The following LRRC51 variants were observed in gnomAD, a reference collection of about 807,000 sequenced individuals.
LRRC51 encodes leucine-rich repeat-containing protein 51.
In LRRC51, 8 loss-of-function variants were observed where a neutral mutation model predicts 17.8. That is an observed-to-expected ratio of 0.45 (90% CI 0.26 to 0.81). The LOEUF (loss-of-function observed/expected upper bound fraction) is 0.81. LRRC51 is among the 30% of genes least tolerant of loss of function. LRRC51 has a pLI of 0.17. For synonymous variants in LRRC51, 92 were observed against 96.0 expected (o/e 0.96, Z 0.24); for missense variants, 233 against 239.3 (o/e 0.97, Z 0.17).
chr11:72,095,044 C>T lies in LRRC51; in HGVS notation c.385C>T (p.Leu129Phe). The change falls in exon 5 of 6, where the codon CTC becomes TTC. Residue 129 changes from leucine to phenylalanine, a missense_variant. Leu to Phe is a conservative substitution (Grantham distance 22). Transcript: ENST00000289488. ...EVNKLAVLPR[L>F]RSLTLHGNPM... ...GAATAAGCTGGCTGTCCTTCCTCGG[C>T]TCCGTAGCCTGACACTCCATGGGAA... 1 of 1,614,030 alleles carries T rather than the reference C, an allele frequency of 6.2e-7. No homozygotes were observed.
Position 72,096,787 on chromosome 11 carries a change from C to T in LRRC51, c.*1267C>T. On this transcript the variant is annotated 3_prime_UTR_variant, in exon 6 of 6. Transcript: ENST00000289488. ...ACAGGCCAAGAAGATGGCCTATGAT[C>T]TCTGAAACCAGCCCCCACTTCAATC... 7.1e-7 allele frequency: 1 copy of T among 1,417,690 alleles called. No individual in the cohort carries two copies. Among genetic ancestry groups the T allele is most frequent in the South Asian group, 1.5e-5 (1 of 66,576 alleles). 87.8% of individuals were successfully genotyped at this position (1,417,690 alleles called of 1,614,324 possible).
chr11:72,082,736 T>G (rs1385282479), intron 1 of LRRC51, among the ~76,000 whole-genome samples: 1 of 152,192 alleles, frequency 6.6e-6, no homozygotes, highest in Non-Finnish European at 1.5e-5. Flanking sequence ...TTCCTGAATA[T>G]CTTTTATATA....
At chr11:72,094,893 A>G in intron 4 of LRRC51, 55 bp from the exon 5 acceptor site, 1 of 1,614,136 alleles carries the variant, frequency 6.2e-7, no homozygotes, top group Non-Finnish European at 8.5e-7. Context: ...AGCCCTGAGC[A>G]GAGATTCAGG....
At chr11:72,088,711 C>T in intron 2 of LRRC51, 1 of 515,108 alleles carries the variant, frequency 1.9e-6, no homozygotes, top group Non-Finnish European at 3.5e-6. Flanking sequence ...ATTATGACTG[C>T]AGTCTACAAC....
intron 1 of LRRC51, among the ~76,000 whole-genome samples, chr11:72,086,910 G>A (rs1210713114): frequency 6.6e-6 from 1 of 152,162 alleles, no homozygotes; most frequent in Non-Finnish European, 1.5e-5. Flanking sequence ...TGCTGAAGTG[G>A]GATGAGCTTC....
chr11:72,088,521 T>A, intron 2 of LRRC51, 141 bp downstream of exon 2: 2 of 660,032 alleles, frequency 3.0e-6, no homozygotes, highest in South Asian at 3.3e-5. Context: ...AGGTGGCAAA[T>A]CCCCAGCTGG....
intron 4 of LRRC51, 50 bp from the exon 5 acceptor site, chr11:72,094,898 T>C (rs1320083413): frequency 3.7e-6 from 6 of 1,614,164 alleles, no homozygotes; most frequent in South Asian, 1.1e-5. Context: ...TGAGCAGAGA[T>C]TCAGGGTCCT....
intron 1 of LRRC51, chr11:72,086,503 T>C: frequency 1.4e-6 from 1 of 700,662 alleles, no homozygotes; most frequent in Admixed American, 2.0e-5. Context: ...ACAGAAATCC[T>C]CAGAATTGGC....
intron 1 of LRRC51, 126 bp from the exon 2 acceptor site, chr11:72,088,171 A>C (rs1251130996): frequency 1.8e-6 from 1 of 571,136 alleles, no homozygotes; most frequent in Non-Finnish European, 3.1e-6. Context: ...TAGTATTCTC[A>C]TGGCTCTCCC....
In LRRC51 at chr11:72,096,748, C is replaced by A; in HGVS notation, c.*1228C>A. 1 of 1,515,962 alleles carries A rather than the reference C, an allele frequency of 6.6e-7. No individual in the cohort carries two copies. Among genetic ancestry groups the A allele is most frequent in the South Asian group, 1.3e-5 (1 of 78,706 alleles). The allele number at this position is 1,515,962 out of a possible 1,614,324, so 93.9% of individuals were successfully genotyped here. A position where few individuals can be genotyped will look rare whatever the true frequency, so the allele number is the denominator to read the frequency against. On this transcript the variant is annotated 3_prime_UTR_variant, in exon 6 of 6. Coordinates refer to ENST00000289488, the MANE Select transcript of LRRC51 (RefSeq NM_145309.6). The stretch of plus-strand genomic sequence containing the variant: ...AGTACCAGGGTCTGTAGAGATGCCT[C>A]ACAGGCCTCCATGACAGGCCAAGAA...
At chr11:72,088,432 T>C (rs547590178) in intron 2 of LRRC51, 52 bp downstream of exon 2, 1 of 701,764 alleles carries the variant, frequency 1.4e-6, no homozygotes, top group South Asian at 1.5e-5. Flanking sequence ...TATATGTGTA[T>C]GGCTACATTC....
In LRRC51 at chr11:72,096,846, G is replaced by T; in HGVS notation, c.*1326G>T. 7.9e-7 allele frequency: 1 copy of T among 1,268,126 alleles called. No individual in the cohort carries two copies. Among genetic ancestry groups the T allele is most frequent in the South Asian group, 3.0e-5 (1 of 33,800 alleles). The allele number at this position is 1,268,126 out of a possible 1,614,324, so 78.6% of individuals were successfully genotyped here. A position where few individuals can be genotyped will look rare whatever the true frequency, so the allele number is the denominator to read the frequency against. On this transcript the variant is annotated 3_prime_UTR_variant, in exon 6 of 6. Coordinates refer to ENST00000289488, the MANE Select transcript of LRRC51 (RefSeq NM_145309.6). ...GTAATTCCATTCTGTTTTATATGCT[G>T]GGATTCTGCTTAAGATTTCATTTGA... is the stretch of plus-strand genomic sequence containing the variant.
intron 1 of LRRC51, among the ~76,000 whole-genome samples, chr11:72,082,996 A>G (rs2136468129): frequency 6.6e-6 from 1 of 152,096 alleles, no homozygotes; most frequent in East Asian, 1.9e-4. Flanking sequence ...CTCCCAGGTA[A>G]CTGGGATTAC....
At chr11:72,089,409 T>C in intron 3 of LRRC51, 2 of 1,443,678 alleles carry the variant, frequency 1.4e-6, no homozygotes, top group South Asian at 1.2e-5. Context: ...TTTGTTTTTT[T>C]TAAGCAGCAA....
rs1236947745 is a variant in LRRC51, at chr11:72,095,587, T to A, written c.*67T>A. 2.5e-6 allele frequency: 4 copies of A among 1,572,092 alleles called. No homozygotes were observed. The highest frequency in any genetic ancestry group is 2.6e-6 in the Non-Finnish European group (3 of 1,157,896). On this transcript the variant is annotated 3_prime_UTR_variant, in exon 6 of 6. Coordinates refer to ENST00000289488, the MANE Select transcript of LRRC51 (RefSeq NM_145309.6). ...CAGCATGGTTTGACAATAAATAATTTGAGCTGTTGAGCAGATGAGAAGTCA... is the reference window on the plus strand; with the variant it reads ...CAGCATGGTTTGACAATAAATAATTAGAGCTGTTGAGCAGATGAGAAGTCA...
In LRRC51 at chr11:72,095,097, G is replaced by C. The variant is rs370630128; in HGVS notation, c.437+1G>C. ...CCATGGAGGAAGAGAAAGGGTATAG[G>C]TAAGTGCCCTGCCCCTGGAGGTAGC... On this transcript the variant is annotated splice_donor_variant, in intron 5 of 5. Coordinates refer to ENST00000289488, the MANE Select transcript of LRRC51 (RefSeq NM_145309.6). LOFTEE classifies it high-confidence loss of function. 1 of 1,613,618 alleles carries C rather than the reference G, an allele frequency of 6.2e-7. No individual in the cohort carries two copies. The highest frequency in any genetic ancestry group is 1.3e-5 in the African/African-American group (1 of 74,886).
Position 72,080,857 on chromosome 11 carries a change from C to T in LRRC51, c.-168C>T, listed in dbSNP as rs1944117267. 6.6e-6 allele frequency: 1 copy of T among 152,354 alleles called. No individual in the cohort carries two copies. Among genetic ancestry groups the T allele is most frequent in the African/African-American group, 2.4e-5 (1 of 41,428 alleles). The allele number at this position is 152,354 out of a possible 1,614,324, so 9.4% of individuals were successfully genotyped here. On this transcript the variant is annotated 5_prime_UTR_variant, in exon 1 of 6. The change creates a new upstream start codon in the 5' untranslated region. Transcript: ENST00000289488. ...TCTGAGTAACCCTGAGGCAGTGGGA[C>T]GCCAAGACTGGAGAGGAAGCGACTG...
chr11:72,092,319 T>G (rs1365055765), intron 3 of LRRC51, among the ~76,000 whole-genome samples: 5 of 152,214 alleles, frequency 3.3e-5, no homozygotes, highest in Non-Finnish European at 4.4e-5. Flanking sequence ...TTCCCAATGC[T>G]ATTTCTTCTT....
chr11:72,087,296 T>A (rs1944592322), intron 1 of LRRC51, among the ~76,000 whole-genome samples: 1 of 2,610 alleles, frequency 3.8e-4, no homozygotes, highest in African/African-American at 7.6e-4. Flanking sequence ...TCTTTTTTTT[T>A]TTTTTTTTTT....
Sources: gnomAD v4.1 joint callset for allele counts (sites outside exome capture counted in the v4.1 genomes callset) on GRCh38, gnomAD v4.1.1 for gene constraint, MANE v1.5 for transcripts, NCBI Gene and HGNC (gene_info 2026-07-23, HGNC 2026-07-21) for gene names.